The following YIPF1 variants were observed in gnomAD, a reference collection of about 807,000 sequenced individuals.
YIPF1 encodes the protein Yip1 domain family member 1, also known as protein YIPF1.
YIPF1 carries 22 observed loss-of-function variants against 37.0 expected under a neutral mutation model. The ratio of observed to expected loss-of-function variants is 0.59; its 90% CI spans 0.42 to 0.85. The LOEUF is 0.85. Ranked by LOEUF, YIPF1 falls within the 40% of genes least tolerant of loss-of-function variation. The pLI, the probability that YIPF1 is intolerant of heterozygous loss-of-function variation, is 0.00. For missense variants in YIPF1, 355 were observed against 373.1 expected, an observed-to-expected ratio of 0.95 and a Z score of 0.40; for synonymous variants, 128 against 131.9, an observed-to-expected ratio of 0.97 and a Z score of 0.21.
intron 10 of YIPF1, among the ~76,000 whole-genome samples, chr1:53,858,743 T>G (rs1408894712): frequency 1.3e-5 from 2 of 152,102 alleles, no homozygotes; most frequent in African/African-American, 4.8e-5. Context: ...CAAGTGATCC[T>G]CCAACCCCAG....
At chr1:53,856,922 T>C (rs919091590) in intron 10 of YIPF1, among the ~76,000 whole-genome samples, 10 of 152,306 alleles carry the variant, frequency 6.6e-5, no homozygotes, top group East Asian at 3.9e-4. Context: ...TTCTAGTCAA[T>C]AGAAGATGGT....
At chr1:53,880,950 A>G (rs1320996044) in intron 4 of YIPF1, among the ~76,000 whole-genome samples, 3 of 152,104 alleles carry the variant, frequency 2.0e-5, no homozygotes, top group African/African-American at 7.2e-5. Context: ...ACACAAAACT[A>G]AAAAAACCCT....
At chr1:53,860,558 TA>T (rs1465696291) in intron 9 of YIPF1, among the ~76,000 whole-genome samples, 12 of 152,180 alleles carry the variant, frequency 7.9e-5, no homozygotes, top group Non-Finnish European at 1.6e-4. Context: ...ATCACAACAT[TA>T]TACAGTCTTT....
In YIPF1 at chr1:53,856,077, G is replaced by A. The variant is rs115493768; in HGVS notation, c.*9-3807C>T. On this transcript the variant is annotated intron_variant, in intron 10 of 10. Coordinates refer to ENST00000072644, the MANE Select transcript of YIPF1 (RefSeq NM_018982.5). ...AGCTCGTAAATCAGCAGCATTCAGG[G>A]CTCTGGACAGCCTCTCTATCAGCAA... 6.9e-3 allele frequency among the ~76,000 whole-genome samples: 1,052 copies of A among 152,292 alleles called. 14 individuals carry two copies. The highest frequency in any genetic ancestry group is 0.016 in the South Asian group (79 of 4,832).
chr1:53,869,160 T>TCTCTCTCTCACACACA lies in YIPF1; in HGVS notation c.481+2211_481+2212insTGTGTGTGAGAGAGAG, dbSNP rs911930860. Among the ~76,000 whole-genome samples the TCTCTCTCTCACACACA allele has an allele frequency of 1.4e-3, 192 of 138,030 alleles. 3 individuals carry two copies. Among genetic ancestry groups the TCTCTCTCTCACACACA allele is most frequent in the African/African-American group, 5.3e-3 (189 of 35,700 alleles). 90.6% of individuals were successfully genotyped at this position (138,030 alleles called of 152,430 possible). Reference sequence around the variant, plus strand: ...CTCTCTCTCTCTCTCTCTCTCTCTCTCACACACACACACACACACACACAC... The same window carrying TCTCTCTCTCACACACA: ...CTCTCTCTCTCTCTCTCTCTCTCTCTCTCTCTCTCACACACACACACACACACACACACACACACAC... On this transcript the variant is annotated intron_variant, in intron 7 of 10. Coordinates refer to ENST00000072644, the MANE Select transcript of YIPF1 (RefSeq NM_018982.5).
chr1:53,866,482 G>A, intron 8 of YIPF1, 100 bp from the exon 9 acceptor site: 1 of 1,278,916 alleles, frequency 7.8e-7, no homozygotes. Context: ...CAGCAGCTGG[G>A]CCCCCATTGC....
At chr1:53,857,946 A>G (rs145007396) in intron 10 of YIPF1, among the ~76,000 whole-genome samples, 10,874 of 145,956 alleles carry the variant, frequency 0.075, 578 homozygotes, top group Middle Eastern at 0.1. Flanking sequence ...GCGCCACTGC[A>G]CTCCAGCCTG....
Position 53,872,582 on chromosome 1 carries a change from G to A in YIPF1, c.365-1094C>T, listed in dbSNP as rs542968429. ...GTAGAACAAATACTATCTTTAGATT[G>A]AGAGATTTTAATAAATTGTATGAAT... On this transcript the variant is annotated intron_variant, in intron 6 of 10. Transcript: ENST00000072644. 2.6e-5 allele frequency among the ~76,000 whole-genome samples: 4 copies of A among 152,274 alleles called. No homozygotes were observed. The East Asian group carries it at 7.7e-4, about 29-fold the overall frequency.
intron 4 of YIPF1, among the ~76,000 whole-genome samples, chr1:53,879,239 C>T (rs548861636): frequency 6.6e-6 from 1 of 152,062 alleles, no homozygotes; most frequent in South Asian, 2.1e-4. Flanking sequence ...GGACTACACG[C>T]GTACACCACT....
chr1:53,858,201 G>A (rs1348323562), intron 10 of YIPF1, among the ~76,000 whole-genome samples: 1 of 152,064 alleles, frequency 6.6e-6, no homozygotes, highest in African/African-American at 2.4e-5. Flanking sequence ...AGAGGAAGAG[G>A]CGAAAGTGGT....
intron 6 of YIPF1, 133 bp from the exon 7 acceptor site, chr1:53,871,621 T>C: frequency 1.4e-6 from 1 of 715,616 alleles, no homozygotes; most frequent in Non-Finnish European, 2.2e-6. Context: ...GATCAACACT[T>C]GCTGAAGGGA....
chr1:53,863,374 G>C (rs1223228752), intron 9 of YIPF1, among the ~76,000 whole-genome samples: 2 of 152,212 alleles, frequency 1.3e-5, no homozygotes, highest in African/African-American at 2.4e-5. Flanking sequence ...GGAATAAGCA[G>C]CATACTGGCC....
chr1:53,862,829 C>T (rs561833518), intron 9 of YIPF1, among the ~76,000 whole-genome samples: 6 of 152,308 alleles, frequency 3.9e-5, no homozygotes, highest in South Asian at 2.1e-4. Context: ...ATGGCATGCA[C>T]GATCGGCCCC....
At chr1:53,856,467 G>C (rs1569594475) in intron 10 of YIPF1, among the ~76,000 whole-genome samples, 3 of 152,288 alleles carry the variant, frequency 2.0e-5, no homozygotes, top group Admixed American at 2.0e-4. Context: ...CTCTCCAGCT[G>C]GGCTCGAATT....
chr1:53,871,388 C>T lies in YIPF1; in HGVS notation c.465G>A (p.Val155=). The part of the protein sequence containing the change: ...IHLGEKTYHY[V]PEFRKVSIAA... ...TTCACCAACCTTTTCGGAATTCGGGCACATAATGGTACGTCTTCTCTCCCA... is the reference window on the plus strand; with the variant it reads ...TTCACCAACCTTTTCGGAATTCGGGTACATAATGGTACGTCTTCTCTCCCA... The change falls in exon 7 of 11, where the codon GTG becomes GTA. Residue 155 remains valine, a synonymous_variant. Transcript: ENST00000072644. 2 of 1,613,452 alleles carry T rather than the reference C, an allele frequency of 1.2e-6. No homozygotes were observed. Among genetic ancestry groups the T allele is most frequent in the Non-Finnish European group, 1.7e-6 (2 of 1,179,650 alleles).
rs545132077 is a variant in YIPF1 at position 53,878,104 on chromosome 1, T to C, written c.364+211A>G. On this transcript the variant is annotated intron_variant, in intron 6 of 10. Coordinates refer to ENST00000072644, the MANE Select transcript of YIPF1 (RefSeq NM_018982.5). ...GCCCCATTTAAAGACCTTTGAAGGA[T>C]ATACTAGTACTTGTAATGATGACGT... is the stretch of plus-strand genomic sequence containing the variant. 5.3e-5 allele frequency among the ~76,000 whole-genome samples: 8 copies of C among 152,356 alleles called. No individual in the cohort carries two copies. The highest frequency in any genetic ancestry group is 4.1e-4 in the South Asian group (2 of 4,830).
At chr1:53,888,283 T>C (rs1420672282) in intron 3 of YIPF1, among the ~76,000 whole-genome samples, 2 of 152,210 alleles carry the variant, frequency 1.3e-5, no homozygotes, top group Non-Finnish European at 2.9e-5. Context: ...AGTCAGGCTC[T>C]GGGTTATGAG....
At chr1:53,888,723 CA>C (rs531963445) in intron 3 of YIPF1, among the ~76,000 whole-genome samples, 183 bp downstream of exon 3, 2 of 151,296 alleles carry the variant, frequency 1.3e-5, no homozygotes, top group East Asian at 1.9e-4. Context: ...GGTTATCTGG[CA>C]AAAAAAACAA....
At chr1:53,856,495 G>T (rs1173497309) in intron 10 of YIPF1, among the ~76,000 whole-genome samples, 3 of 152,160 alleles carry the variant, frequency 2.0e-5, no homozygotes, top group Non-Finnish European at 4.4e-5. Context: ...TCTCAGTGAT[G>T]TGAGTCCACA....
Sources: gnomAD v4.1 joint callset for allele counts (sites outside exome capture counted in the v4.1 genomes callset) on GRCh38, gnomAD v4.1.1 for gene constraint, MANE v1.5 for transcripts, NCBI Gene and HGNC (gene_info 2026-07-23, HGNC 2026-07-21) for gene names.